The following BCAS1 variants were observed in gnomAD, a reference collection of about 807,000 sequenced individuals.
The protein encoded by BCAS1 is breast carcinoma-amplified sequence 1.
Under a neutral mutation model 65.4 loss-of-function variants are expected in BCAS1, and 46 were observed. The ratio of observed to expected loss-of-function variants is 0.70; its 90% CI spans 0.55 to 0.90. The LOEUF is 0.90. BCAS1 is among the 40% of genes least tolerant of loss of function. The pLI is 0.00. For missense variants in BCAS1, 793 were observed against 771.2 expected (o/e 1.03, Z -0.33); for synonymous variants, 298 against 293.5 (o/e 1.02, Z -0.16).
intron 3 of BCAS1, among the ~76,000 whole-genome samples, chr20:54,041,941 T>C (rs1164837033): frequency 9.0e-6 from 1 of 111,436 alleles, no homozygotes; most frequent in Non-Finnish European, 2.0e-5. Flanking sequence ...AGAACAGCCA[T>C]ATAGATCGTC....
intron 9 of BCAS1, among the ~76,000 whole-genome samples, chr20:53,973,994 T>C (rs2090255430): frequency 6.6e-6 from 1 of 152,008 alleles, no homozygotes; most frequent in Non-Finnish European, 1.5e-5. Flanking sequence ...AGCTAAAGGA[T>C]TGTAAATGCA....
chr20:53,959,571 A>T lies in BCAS1; in HGVS notation c.1486-2074T>A, dbSNP rs560046500. The stretch of plus-strand genomic sequence containing the variant: ...GCTTGGCCCAGCTATTTTTTAAAAA[A>T]TTTTTTTGCAGAGACAGAGTCTCAC... On this transcript the variant is annotated intron_variant, in intron 10 of 12. Coordinates refer to ENST00000688948, the MANE Select transcript of BCAS1 (RefSeq NM_001366298.2). 9.9e-5 allele frequency among the ~76,000 whole-genome samples: 15 copies of T among 152,106 alleles called. No individual in the cohort carries two copies. The South Asian group carries it at 1.0e-3, about 11-fold the overall frequency.
intron 7 of BCAS1, among the ~76,000 whole-genome samples, chr20:53,991,203 GT>G (rs2090750918): frequency 6.6e-6 from 1 of 152,180 alleles, no homozygotes; most frequent in Non-Finnish European, 1.5e-5. Context: ...TCTATGACGC[GT>G]TTCACCAGCA....
At chr20:53,957,972 CCAGTGA>C (rs1176734829) in intron 10 of BCAS1, among the ~76,000 whole-genome samples, 2 of 151,676 alleles carry the variant, frequency 1.3e-5, no homozygotes, top group South Asian at 2.1e-4. Flanking sequence ...GCCAGCAACA[CCAGTGA>C]CAGGGATAAA....
chr20:54,043,951 T>C (rs1201450889), intron 3 of BCAS1, among the ~76,000 whole-genome samples: 1 of 152,240 alleles, frequency 6.6e-6, no homozygotes, highest in Admixed American at 6.5e-5. Context: ...TACCCACTAA[T>C]ACAGTATGCT....
intron 3 of BCAS1, among the ~76,000 whole-genome samples, chr20:54,040,230 GA>G (rs2091966367): frequency 6.6e-6 from 1 of 151,242 alleles, no homozygotes; most frequent in East Asian, 1.9e-4. Context: ...ATTTAGTTTT[GA>G]AAAACAGACA....
At chr20:54,008,317 C>T (rs73914471) in intron 4 of BCAS1, among the ~76,000 whole-genome samples, 151 of 152,274 alleles carry the variant, frequency 9.9e-4, no homozygotes, top group African/African-American at 3.4e-3. Flanking sequence ...ATGGTGTCCG[C>T]GGGGACCACA....
chr20:54,007,428 C>T (rs987964804), intron 4 of BCAS1, among the ~76,000 whole-genome samples: 2 of 152,166 alleles, frequency 1.3e-5, no homozygotes, highest in East Asian at 1.9e-4. Context: ...TGAGTACTTC[C>T]GTAACCTGGA....
intron 10 of BCAS1, among the ~76,000 whole-genome samples, chr20:53,965,263 C>T (rs1376507286): frequency 1.3e-5 from 2 of 152,152 alleles, no homozygotes; most frequent in African/African-American, 4.8e-5. Context: ...TGCCTCAGTT[C>T]CCATTGGCAA....
In BCAS1 at chr20:53,975,448, C is replaced by T. The variant is rs1345118107; in HGVS notation, c.1276-18G>A. 1.2e-6 allele frequency: 2 copies of T among 1,608,770 alleles called. No homozygotes were observed. The highest frequency in any genetic ancestry group is 2.2e-5 in the South Asian group (2 of 90,900). On this transcript the variant is annotated intron_variant, in intron 8 of 12. Transcript: ENST00000688948. ...TTAACTGACTAAAGGAAGATAAAAACAAAAGTGAGAGTTAAAAGGTTACAG... is the reference window on the plus strand; with the variant it reads ...TTAACTGACTAAAGGAAGATAAAAATAAAAGTGAGAGTTAAAAGGTTACAG...
At position 53,967,556 on chromosome 20, in the gene BCAS1, A is replaced by T. The variant is rs146205403; in HGVS notation, c.1318-483T>A. On this transcript the variant is annotated intron_variant, in intron 9 of 12. Transcript: ENST00000688948. ...GTCCTCTTTGTAGAAAGGAGAGTGT[A>T]AAAACCACTGAATTTAATTGACTTC... Among the ~76,000 whole-genome samples, 1,105 of 152,362 alleles carry T rather than the reference A, an allele frequency of 7.3e-3. 10 individuals carry two copies. The highest frequency in any genetic ancestry group is 0.042 in the South Asian group (202 of 4,826).
At position 54,037,926 on chromosome 20, in the gene BCAS1, A is replaced by T. The variant is rs747065252; in HGVS notation, c.143-8954T>A. Among the ~76,000 whole-genome samples, 4 of 151,412 alleles carry T rather than the reference A, an allele frequency of 2.6e-5. 1 individual carries two copies. Among genetic ancestry groups the T allele is most frequent in the Non-Finnish European group, 5.9e-5 (4 of 67,638 alleles). On this transcript the variant is annotated intron_variant, in intron 3 of 12. Transcript: ENST00000688948. ...AAAAACTATGTACAAGAGGGGGAAA[A>T]AAACCCTGTTTTCTCACATCTGGGA...
rs770329694 is a variant in BCAS1, at chr20:53,985,429, G to A, written c.1133C>T (p.Thr378Ile). 8 of 1,613,968 alleles carry A rather than the reference G, an allele frequency of 5.0e-6. No homozygotes were observed. Among genetic ancestry groups the A allele is most frequent in the Non-Finnish European group, 5.9e-6 (7 of 1,179,958 alleles). The change falls in exon 8 of 13, where the codon ACC becomes ATC. Residue 378 changes from threonine (T) to isoleucine (I), a missense_variant. Coordinates refer to ENST00000688948, the MANE Select transcript of BCAS1 (RefSeq NM_001366298.2). ...TTTGGAATTCTTGCCAGCCCCTTGG[G>A]TCTCCTGGGATGTAAAGTTGGCTTT... ...SDKANFTSQETQGAGKNSKGC... is the reference protein window; with the variant it reads ...SDKANFTSQEIQGAGKNSKGC...
At chr20:53,994,778 G>A (rs745457917) in intron 6 of BCAS1, among the ~76,000 whole-genome samples, 25 of 151,952 alleles carry the variant, frequency 1.6e-4, no homozygotes, top group Non-Finnish European at 7.4e-5. Context: ...GAGTTGGCAC[G>A]TCTTTCAAGC....
intron 5 of BCAS1, 109 bp from the exon 6 acceptor site, chr20:53,995,165 G>T (rs749700333): frequency 1.6e-5 from 14 of 871,868 alleles, no homozygotes; most frequent in Non-Finnish European, 2.5e-5. Flanking sequence ...TACAGGTCAA[G>T]AATAAAATGA....
chr20:54,056,528 A>G (rs979090470), intron 3 of BCAS1, among the ~76,000 whole-genome samples: 6 of 152,210 alleles, frequency 3.9e-5, no homozygotes, highest in Admixed American at 1.3e-4. Context: ...TGACAGGTAC[A>G]TTAAAAGCCC....
chr20:53,991,329 A>C (rs2090754655), intron 7 of BCAS1, among the ~76,000 whole-genome samples: 1 of 152,206 alleles, frequency 6.6e-6, no homozygotes, highest in African/African-American at 2.4e-5. Flanking sequence ...TCACAGAACA[A>C]AATTATCCTG....
intron 4 of BCAS1, among the ~76,000 whole-genome samples, chr20:54,021,604 A>C (rs2091560594): frequency 6.6e-6 from 1 of 151,768 alleles, no homozygotes; most frequent in Non-Finnish European, 1.5e-5. Context: ...GCTGGAAGCC[A>C]TTATCTTTGG....
intron 3 of BCAS1, among the ~76,000 whole-genome samples, chr20:54,048,726 C>A (rs951210629): frequency 3.3e-5 from 5 of 152,218 alleles, no homozygotes; most frequent in South Asian, 2.1e-4. Context: ...ATTTACTTAT[C>A]CAGGGTTGCA....
Sources: gnomAD v4.1 joint callset for allele counts (sites outside exome capture counted in the v4.1 genomes callset) on GRCh38, gnomAD v4.1.1 for gene constraint, MANE v1.5 for transcripts, NCBI Gene and HGNC (gene_info 2026-07-23, HGNC 2026-07-21) for gene names.